The following RBM43 variants were observed in gnomAD, a reference collection of about 807,000 sequenced individuals.
RBM43 encodes RNA binding motif protein 43.
RBM43 carries 12 observed loss-of-function variants against 12.4 expected under a neutral mutation model. The observed-to-expected ratio is 0.97, with a 90% confidence interval of 0.62 to 1.57. The LOEUF (loss-of-function observed/expected upper bound fraction) is 1.57, where lower values mean the gene tolerates loss of function less well. Ranked by LOEUF, RBM43 falls within the 40% of genes most tolerant of loss-of-function variation. The pLI is 0.00. For missense variants in RBM43, 348 were observed against 400.1 expected, an observed-to-expected ratio of 0.87 and a Z score of 1.11; for synonymous variants, 138 against 145.7, an observed-to-expected ratio of 0.95 and a Z score of 0.38.
At chr2:151,254,548 G>A (rs1346368566) in intron 2 of RBM43, among the ~76,000 whole-genome samples, 1 of 152,068 alleles carries the variant, frequency 6.6e-6, no homozygotes. Context: ...AAGTTCTCTT[G>A]CTCTGCTCCA....
Position 151,248,961 on chromosome 2 carries a change from A to G in RBM43, c.*1945T>C, listed in dbSNP as rs1682855562. The G allele has an allele frequency of 6.6e-6, 1 of 152,208 alleles. No individual in the cohort carries two copies. Among genetic ancestry groups the G allele is most frequent in the South Asian group, 2.1e-4 (1 of 4,824 alleles). The allele number at this position is 152,208 out of a possible 1,614,324, so 9.4% of individuals were successfully genotyped here. A position where few individuals can be genotyped will look rare whatever the true frequency, so the allele number is the denominator to read the frequency against. On this transcript the variant is annotated 3_prime_UTR_variant, in exon 4 of 4. Transcript: ENST00000331426. The stretch of plus-strand genomic sequence containing the variant: ...CGCAGCTGAGGTCAACAGGGGGAAA[A>G]TAATTCTACCCAACAGATCTACCAA...
intron 1 of RBM43, chr2:151,261,366 C>T: frequency 1.9e-6 from 3 of 1,550,642 alleles, no homozygotes; most frequent in East Asian, 2.4e-5. Flanking sequence ...GCCCTAACAG[C>T]CTGCGAAGCA....
chr2:151,248,154 C>CA lies in RBM43; in HGVS notation c.*2751dup, dbSNP rs908898091. On this transcript the variant is annotated 3_prime_UTR_variant, in exon 4 of 4. Transcript: ENST00000331426. ...TCACTCACCAGTGCACTAAATTGAA[C>CA]AAAAAATAGTTAACTGTGAAAGTGT... The CA allele has an allele frequency of 7.2e-5, 11 of 151,958 alleles. No homozygotes were observed. The highest frequency in any genetic ancestry group is 2.4e-4 in the African/African-American group (10 of 41,464). 9.4% of individuals were successfully genotyped at this position (151,958 alleles called of 1,614,324 possible).
intron 1 of RBM43, among the ~76,000 whole-genome samples, chr2:151,256,460 A>G (rs559579020): frequency 1.9e-3 from 292 of 152,328 alleles, no homozygotes; most frequent in African/African-American, 6.7e-3. Flanking sequence ...AGTCTAAAGT[A>G]TGTAAGACAG....
intron 1 of RBM43, among the ~76,000 whole-genome samples, chr2:151,256,050 C>T (rs899067166): frequency 6.6e-6 from 1 of 152,174 alleles, no homozygotes; most frequent in Admixed American, 6.5e-5. Context: ...CAATCTCTGC[C>T]TCCCAGGTTC....
intron 1 of RBM43, among the ~76,000 whole-genome samples, chr2:151,257,807 C>G (rs544832939): frequency 1.3e-5 from 2 of 152,104 alleles, no homozygotes; most frequent in African/African-American, 4.8e-5. Flanking sequence ...TGGTGGCTCA[C>G]GCCTGTAATC....
rs1682904434 is a variant in RBM43, at chr2:151,251,557, G to A, written c.423C>T (p.Phe141=). The A allele has an allele frequency of 6.2e-7, 1 of 1,614,044 alleles. No individual in the cohort carries two copies. The highest frequency in any genetic ancestry group is 1.7e-5 in the Admixed American group (1 of 60,006). Residue 141 remains phenylalanine, a synonymous_variant, in exon 4 of 4, where the codon TTC becomes TTT. Transcript: ENST00000331426. ...DLKKKIPSLS[F]SPLKPNGRIS... is the part of the protein sequence containing the mutation. ...TTCTTCCATTGGGTTTCAAAGGACT[G>A]AAGCTTAAACTCGGGATTTTTTTTT...
chr2:151,259,968 C>G (rs1008691324), intron 1 of RBM43, among the ~76,000 whole-genome samples: 1 of 150,700 alleles, frequency 6.6e-6, no homozygotes, highest in Admixed American at 6.6e-5. Context: ...CGGGTTCAAG[C>G]GATTCTCCTG....
intron 1 of RBM43, chr2:151,261,523 A>G: frequency 7.1e-6 from 11 of 1,548,844 alleles, no homozygotes; most frequent in Non-Finnish European, 8.7e-6. Flanking sequence ...GGAAGGGTGC[A>G]GCGAGGCTGA....
At chr2:151,261,088 C>T in intron 1 of RBM43, 2 of 772,970 alleles carry the variant, frequency 2.6e-6, no homozygotes, top group Non-Finnish European at 4.0e-6. Flanking sequence ...ATTTCCGGGA[C>T]TCTAGCATTT....
At position 151,251,236 on chromosome 2, in the gene RBM43, A is replaced by G. The variant is rs1362876363; in HGVS notation, c.744T>C (p.Ser248=). The change falls in exon 4 of 4, where the codon AGT becomes AGC. Residue 248 remains serine (S), a synonymous_variant. Transcript: ENST00000331426. The part of the protein sequence containing the change: ...ESTLKKFHIL[S]QEKVDGEITT... Reference sequence around the variant, plus strand: ...TGATTTCACCATCCACTTTCTCCTGACTCAGAATGTGGAATTTTTTCAGTG... The same window carrying G: ...TGATTTCACCATCCACTTTCTCCTGGCTCAGAATGTGGAATTTTTTCAGTG... 1.2e-6 allele frequency: 2 copies of G among 1,613,748 alleles called. No individual in the cohort carries two copies. The highest frequency in any genetic ancestry group is 1.7e-6 in the Non-Finnish European group (2 of 1,179,960).
rs1237498169 is a variant in RBM43 at position 151,251,358 on chromosome 2, T to A, written c.622A>T (p.Thr208Ser). The change falls in exon 4 of 4, where the codon ACC (threonine) becomes TCC (serine). Residue 208 changes from threonine (T) to serine (S), a missense_variant. By Grantham distance (58) the Thr-to-Ser change is moderately conservative. Transcript: ENST00000331426. The part of the protein sequence containing the change: ...RSNNSLASVR[T>S]LVPETARSGE... ...CTTCTAGCAGTCTCAGGTACTAAGG[T>A]CCTGACTGATGCCAAAGAGTTATTA... 1 of 1,613,800 alleles carries A rather than the reference T, an allele frequency of 6.2e-7. No homozygotes were observed. The highest frequency in any genetic ancestry group is 8.5e-7 in the Non-Finnish European group (1 of 1,179,650).
chr2:151,259,498 T>C (rs1441202811), intron 1 of RBM43, among the ~76,000 whole-genome samples: 1 of 151,408 alleles, frequency 6.6e-6, no homozygotes, highest in Non-Finnish European at 1.5e-5. Context: ...ATACAAAAAT[T>C]AGTGGAGGCA....
intron 1 of RBM43, among the ~76,000 whole-genome samples, chr2:151,259,575 G>A (rs541984836): frequency 1.3e-5 from 2 of 152,122 alleles, no homozygotes; most frequent in Admixed American, 6.5e-5. Flanking sequence ...GGAGGTGGAG[G>A]TTGCAGTGAG....
Position 151,261,835 on chromosome 2 carries a change from CAGCTCCCTTGG to C in RBM43, c.-119_-109del. 7.6e-7 allele frequency: 1 copy of C among 1,311,582 alleles called. No individual in the cohort carries two copies. The highest frequency in any genetic ancestry group is 2.5e-5 in the East Asian group (1 of 39,728). 81.2% of individuals were successfully genotyped at this position (1,311,582 alleles called of 1,614,324 possible). On this transcript the variant is annotated 5_prime_UTR_variant, in exon 1 of 4. Coordinates refer to ENST00000331426, the MANE Select transcript of RBM43 (RefSeq NM_198557.3). ...CAGGTTTTGGTTTCGTTTTTTGTTCCAGCTCCCTTGGAGGCTACGAAGAAAAGGGCGGTCCT... is the reference window on the plus strand; with the variant it reads ...CAGGTTTTGGTTTCGTTTTTTGTTCCAGGCTACGAAGAAAAGGGCGGTCCT...
rs1293700723 is a variant in RBM43 at position 151,248,666 on chromosome 2, C to G, written c.*2240G>C. On this transcript the variant is annotated 3_prime_UTR_variant, in exon 4 of 4. Coordinates refer to ENST00000331426, the MANE Select transcript of RBM43 (RefSeq NM_198557.3). Reference sequence around the variant, plus strand: ...TTAGTTCAGTTTTAAGAAAAACAGACTAAATGATCCCTGTAATGTTTGAAT... The same window carrying G: ...TTAGTTCAGTTTTAAGAAAAACAGAGTAAATGATCCCTGTAATGTTTGAAT... 6.6e-6 allele frequency: 1 copy of G among 152,060 alleles called. No individual in the cohort carries two copies. Among genetic ancestry groups the G allele is most frequent in the Admixed American group, 6.5e-5 (1 of 15,272 alleles). 9.4% of individuals were successfully genotyped at this position (152,060 alleles called of 1,614,324 possible). A position where few individuals can be genotyped will look rare whatever the true frequency, so the allele number is the denominator to read the frequency against.
At chr2:151,259,991 G>A (rs1160181600) in intron 1 of RBM43, among the ~76,000 whole-genome samples, 4 of 150,824 alleles carry the variant, frequency 2.7e-5, no homozygotes, top group African/African-American at 9.8e-5. Flanking sequence ...CCAGCCTCCT[G>A]AGTAGCTGGG....
rs199502758 is a variant in RBM43 at position 151,251,647 on chromosome 2, A to G, written c.333T>C (p.Asn111=). Residue 111 remains asparagine, a synonymous_variant, in exon 4 of 4, where the codon AAT becomes AAC. Transcript: ENST00000331426. ...CAAAAACAGAAAGATCAAGGATGGC[A>G]TTTACAGAGCTGAAGATCTGAAATT... ...HFGDKIFSSV[N]AILDLSVFGK... 1 of 1,611,236 alleles carries G rather than the reference A, an allele frequency of 6.2e-7. No individual in the cohort carries two copies. Among genetic ancestry groups the G allele is most frequent in the Non-Finnish European group, 8.5e-7 (1 of 1,179,304 alleles).
intron 3 of RBM43, 41 bp downstream of exon 3, chr2:151,252,714 G>C: frequency 9.4e-7 from 1 of 1,065,828 alleles, no homozygotes; most frequent in South Asian, 1.4e-5. Context: ...AAAAGAAATG[G>C]GATACAGGAC....
Sources: gnomAD v4.1 joint callset for allele counts (sites outside exome capture counted in the v4.1 genomes callset) on GRCh38, gnomAD v4.1.1 for gene constraint, MANE v1.5 for transcripts, NCBI Gene and HGNC (gene_info 2026-07-23, HGNC 2026-07-21) for gene names.